The following OSBPL8 variants were observed in gnomAD, a reference collection of about 807,000 sequenced individuals.
OSBPL8 encodes the protein oxysterol-binding protein-related protein 8.
Under a neutral mutation model 125.5 loss-of-function variants are expected in OSBPL8, and 59 were observed. The observed-to-expected ratio is 0.47, with a 90% confidence interval of 0.38 to 0.58. OSBPL8 has a LOEUF of 0.58. OSBPL8 is among the 20% of genes least tolerant of loss of function. The pLI is 0.00. For synonymous variants in OSBPL8, 330 were observed against 338.9 expected, an observed-to-expected ratio of 0.97 and a Z score of 0.29; for missense variants, 758 against 1,047.8, an observed-to-expected ratio of 0.72 and a Z score of 3.82.
At chr12:76,432,342 T>C (rs1523830) in intron 4 of OSBPL8, among the ~76,000 whole-genome samples, 32,652 of 152,010 alleles carry the variant, frequency 0.21, 3,731 homozygotes, top group Non-Finnish European at 0.26. Context: ...TCCCAGCACT[T>C]TGGGAGGCAG....
At chr12:76,485,884 C>T (rs1878075718) in intron 2 of OSBPL8, among the ~76,000 whole-genome samples, 1 of 151,932 alleles carries the variant, frequency 6.6e-6, no homozygotes, top group Non-Finnish European at 1.5e-5. Context: ...TTTAATATCA[C>T]TAGAAGACCA....
At chr12:76,557,801 C>G (rs74105523) in intron 1 of OSBPL8, among the ~76,000 whole-genome samples, 6,765 of 152,074 alleles carry the variant, frequency 0.044, 546 homozygotes, top group African/African-American at 0.15. Flanking sequence ...TATAAGTACC[C>G]TGAATGTGTT....
intron 5 of OSBPL8, among the ~76,000 whole-genome samples, chr12:76,408,407 A>G (rs1267021584): frequency 1.4e-5 from 2 of 144,808 alleles, no homozygotes; most frequent in African/African-American, 5.1e-5. Flanking sequence ...GCTTGCAGTG[A>G]GCCGAGATCG....
At chr12:76,515,505 C>T (rs535355076) in intron 1 of OSBPL8, among the ~76,000 whole-genome samples, 58 of 152,264 alleles carry the variant, frequency 3.8e-4, no homozygotes, top group African/African-American at 1.3e-3. Flanking sequence ...GAATCTTGCT[C>T]GGATGGGTGG....
intron 7 of OSBPL8, 67 bp downstream of exon 7, chr12:76,399,806 T>G: frequency 7.6e-7 from 1 of 1,313,356 alleles, no homozygotes; most frequent in Non-Finnish European, 1.0e-6. Flanking sequence ...TTAGGTATAC[T>G]CCAGGCTTTT....
Position 76,375,722 on chromosome 12 carries a change from T to C in OSBPL8, c.1730-352A>G, listed in dbSNP as rs551982508. ...GGCTGAGCAAGGCAAACACTCTTGG[T>C]TCAGCTCCCACATTGTTTTAAAAAA... is the stretch of plus-strand genomic sequence containing the variant. On this transcript the variant is annotated intron_variant, in intron 16 of 23. Transcript: ENST00000261183. 2.0e-5 allele frequency among the ~76,000 whole-genome samples: 3 copies of C among 149,284 alleles called. No individual in the cohort carries two copies. In the South Asian group the frequency reaches 6.6e-4, roughly 33 times the overall value.
At chr12:76,386,342 GT>G in intron 13 of OSBPL8, 76 bp from the exon 14 acceptor site, 8 of 1,489,962 alleles carry the variant, frequency 5.4e-6, no homozygotes, top group Non-Finnish European at 7.1e-6. Flanking sequence ...GTCAAAATGG[GT>G]TTAACTCTAC....
intron 3 of OSBPL8, among the ~76,000 whole-genome samples, chr12:76,458,857 T>G (rs1374517401): frequency 2.6e-5 from 4 of 152,172 alleles, no homozygotes; most frequent in Non-Finnish European, 5.9e-5. Context: ...TCAGTTCCTT[T>G]CCTAGGTCAA....
At chr12:76,482,461 A>C (rs532510262) in intron 2 of OSBPL8, among the ~76,000 whole-genome samples, 1 of 152,248 alleles carries the variant, frequency 6.6e-6, no homozygotes, top group South Asian at 2.1e-4. Flanking sequence ...TAAAAATACA[A>C]AATTAGCCGG....
intron 3 of OSBPL8, among the ~76,000 whole-genome samples, chr12:76,454,447 A>T (rs1412982370): frequency 1.3e-5 from 2 of 152,148 alleles, no homozygotes; most frequent in Non-Finnish European, 2.9e-5. Flanking sequence ...CCAGCTACTC[A>T]GGAGGCTGAG....
At chr12:76,508,767 A>AGTGCTGGTTGTAG (rs1880682405) in intron 1 of OSBPL8, among the ~76,000 whole-genome samples, 1 of 152,226 alleles carries the variant, frequency 6.6e-6, no homozygotes, top group Non-Finnish European at 1.5e-5. Context: ...GACAGTTTAC[A>AGTGCTGGTTGTAG]AATGCCACGG....
chr12:76,377,225 G>A (rs910663455), intron 16 of OSBPL8, among the ~76,000 whole-genome samples: 1 of 152,118 alleles, frequency 6.6e-6, no homozygotes, highest in African/African-American at 2.4e-5. Flanking sequence ...GAATAGTGCT[G>A]CAATAAACAT....
At chr12:76,389,489 T>G (rs1201484999) in intron 12 of OSBPL8, among the ~76,000 whole-genome samples, 156 bp downstream of exon 12, 1 of 152,208 alleles carries the variant, frequency 6.6e-6, no homozygotes, top group Non-Finnish European at 1.5e-5. Flanking sequence ...TCAAACATGC[T>G]TCTTACTAAG....
chr12:76,557,371 CT>C (rs1286915434), intron 1 of OSBPL8, among the ~76,000 whole-genome samples: 6 of 152,106 alleles, frequency 3.9e-5, no homozygotes, highest in Non-Finnish European at 4.4e-5. Context: ...AATCCCAGCA[CT>C]TTGGGAGGCT....
At chr12:76,526,635 CTTTTTTTTTTTTTT>C (rs573409160) in intron 1 of OSBPL8, among the ~76,000 whole-genome samples, 2,267 of 64,352 alleles carry the variant, frequency 0.035, 57 homozygotes, top group African/African-American at 0.1. Flanking sequence ...CAGTAAATCT[CTTTTTTTTTTTTTT>C]TTTTTTTTTT....
At chr12:76,453,212 A>G (rs1424169778) in intron 3 of OSBPL8, among the ~76,000 whole-genome samples, 1 of 152,136 alleles carries the variant, frequency 6.6e-6, no homozygotes, top group African/African-American at 2.4e-5. Context: ...TTCCTGCCCT[A>G]TTGAAGGTGT....
intron 5 of OSBPL8, among the ~76,000 whole-genome samples, chr12:76,405,079 T>C (rs1371511356): frequency 6.6e-6 from 1 of 152,170 alleles, no homozygotes; most frequent in Admixed American, 6.5e-5. Context: ...CAGCTTCATG[T>C]TCTTAGTTAT....
intron 4 of OSBPL8, among the ~76,000 whole-genome samples, chr12:76,417,080 A>C (rs1038136700): frequency 1.3e-5 from 2 of 152,222 alleles, no homozygotes; most frequent in Non-Finnish European, 2.9e-5. Context: ...CATATATTGC[A>C]AATCTCTCTC....
intron 2 of OSBPL8, among the ~76,000 whole-genome samples, chr12:76,473,917 G>C (rs1876489069): frequency 6.6e-6 from 1 of 152,100 alleles, no homozygotes; most frequent in Non-Finnish European, 1.5e-5. Flanking sequence ...TTATTTTAAA[G>C]ATTAAATGAG....
Sources: allele counts gnomAD v4.1 joint callset (sites outside exome capture counted in the v4.1 genomes callset), GRCh38; gene constraint gnomAD v4.1.1; transcripts MANE v1.5; gene names NCBI Gene and HGNC (gene_info 2026-07-23, HGNC 2026-07-21).